Variants in CCDC169 observed in about 807,000 individuals in gnomAD.
CCDC169 encodes the protein coiled-coil domain-containing protein 169.
In CCDC169, 30 loss-of-function variants were observed where a neutral mutation model predicts 36.0. The ratio of observed to expected loss-of-function variants is 0.83; its 90% CI spans 0.62 to 1.13. CCDC169 has a LOEUF of 1.13. Ranked by LOEUF, CCDC169 falls within the 50% of genes most tolerant of loss-of-function variation. CCDC169 has a pLI of 0.00. For synonymous variants in CCDC169, 85 were observed against 81.5 expected (o/e 1.04, Z -0.23); for missense variants, 245 against 245.9 (o/e 1.00, Z 0.03).
At chr13:36,275,402 A>C (rs183133159) in intron 4 of CCDC169, among the ~76,000 whole-genome samples, 251 of 152,276 alleles carry the variant, frequency 1.6e-3, no homozygotes, top group African/African-American at 5.6e-3. Flanking sequence ...CTAGATTTGC[A>C]TATAAAATCT....
chr13:36,231,049 A>G lies in CCDC169; in HGVS notation c.*144T>C. 1 of 1,422,932 alleles carries G rather than the reference A, an allele frequency of 7.0e-7. No homozygotes were observed. Among genetic ancestry groups the G allele is most frequent in the South Asian group, 1.6e-5 (1 of 63,090 alleles). 88.1% of individuals were successfully genotyped at this position (1,422,932 alleles called of 1,614,324 possible). A position where few individuals can be genotyped will look rare whatever the true frequency, so the allele number is the denominator to read the frequency against. On this transcript the variant is annotated 3_prime_UTR_variant, in exon 8 of 8. Transcript: ENST00000239859. ...TACTTTTATGCAGACAAAGGAACACACGTCTGGAAAAGGAACTAAAGAAAA... is the reference window on the plus strand; with the variant it reads ...TACTTTTATGCAGACAAAGGAACACGCGTCTGGAAAAGGAACTAAAGAAAA...
At chr13:36,266,733 G>T (rs1000968805) in intron 4 of CCDC169, among the ~76,000 whole-genome samples, 1 of 152,094 alleles carries the variant, frequency 6.6e-6, no homozygotes, top group Non-Finnish European at 1.5e-5. Flanking sequence ...TTGCATCATG[G>T]CTTCTTCCAC....
At chr13:36,249,436 G>T (rs1410623) in intron 6 of CCDC169, among the ~76,000 whole-genome samples, 1 of 152,028 alleles carries the variant, frequency 6.6e-6, no homozygotes, top group African/African-American at 2.4e-5. Context: ...CAGATGCTTC[G>T]CCAAATTTGA....
intron 2 of CCDC169, among the ~76,000 whole-genome samples, chr13:36,286,108 A>G (rs1394077260): frequency 6.6e-6 from 1 of 152,154 alleles, no homozygotes; most frequent in Non-Finnish European, 1.5e-5. Flanking sequence ...TTTCTATCAG[A>G]TGGGGCATAG....
At chr13:36,272,056 G>T (rs1277116743) in intron 4 of CCDC169, among the ~76,000 whole-genome samples, 1 of 148,110 alleles carries the variant, frequency 6.8e-6, no homozygotes, top group African/African-American at 2.5e-5. Context: ...CTGCACTCGC[G>T]CCCGGGTGAC....
intron 7 of CCDC169, among the ~76,000 whole-genome samples, chr13:36,239,831 T>C (rs1871553583): frequency 8.2e-6 from 1 of 122,004 alleles, no homozygotes; most frequent in Non-Finnish European, 2.0e-5. Flanking sequence ...GGTTTTACTT[T>C]CCAGTTTCAG....
chr13:36,238,750 A>C (rs1871382675), intron 7 of CCDC169, among the ~76,000 whole-genome samples: 1 of 152,172 alleles, frequency 6.6e-6, no homozygotes, highest in South Asian at 2.1e-4. Context: ...CTAACTAATG[A>C]CACTAATGAT....
At chr13:36,289,581 C>T (rs190103530) in intron 2 of CCDC169, among the ~76,000 whole-genome samples, 210 of 152,332 alleles carry the variant, frequency 1.4e-3, no homozygotes, top group African/African-American at 4.7e-3. Flanking sequence ...TCTAAATAGG[C>T]TTCCTATAAG....
intron 4 of CCDC169, among the ~76,000 whole-genome samples, chr13:36,265,058 A>G (rs960845130): frequency 1.9e-4 from 29 of 152,240 alleles, no homozygotes; most frequent in African/African-American, 6.8e-4. Context: ...TCCAACTTTC[A>G]TAATGGATTT....
chr13:36,227,444 A>G (rs555419885), downstream of CCDC169: 37 of 1,394,736 alleles, frequency 2.7e-5, no homozygotes, highest in South Asian at 4.1e-4. Context: ...ATGCTAATAA[A>G]GCAGATATTC....
At chr13:36,227,489 CAT>C (rs1555247849), downstream of CCDC169, 48 of 1,114,114 alleles carry the variant, frequency 4.3e-5, no homozygotes, top group East Asian at 8.8e-5. Context: ...CACACACACA[CAT>C]ATACACAAAA....
intron 4 of CCDC169, among the ~76,000 whole-genome samples, chr13:36,271,859 C>A (rs556975051): frequency 1.3e-5 from 2 of 151,782 alleles, no homozygotes; most frequent in South Asian, 4.2e-4. Flanking sequence ...CCAAAGCGGG[C>A]GGATCACGAG....
At chr13:36,254,630 A>G (rs1873609528) in intron 4 of CCDC169, among the ~76,000 whole-genome samples, 1 of 152,130 alleles carries the variant, frequency 6.6e-6, no homozygotes, top group African/African-American at 2.4e-5. Context: ...GAACCCTAAC[A>G]ATATGTCATG....
chr13:36,285,614 G>GATAGATAGATAC (rs568184993), intron 2 of CCDC169, among the ~76,000 whole-genome samples: 1,604 of 138,078 alleles, frequency 0.012, 14 homozygotes, highest in South Asian at 0.028. Flanking sequence ...TAGATAGATA[G>GATAGATAGATAC]ATAGATACAT....
chr13:36,285,135 C>T (rs1301734492), intron 2 of CCDC169, among the ~76,000 whole-genome samples: 1 of 152,018 alleles, frequency 6.6e-6, no homozygotes, highest in Admixed American at 6.6e-5. Flanking sequence ...AGAATGGTTA[C>T]CAAAAAATTA....
chr13:36,225,740 G>A (rs1425980506), downstream of CCDC169: 1 of 151,698 alleles, frequency 6.6e-6, no homozygotes, highest in Non-Finnish European at 1.5e-5. Context: ...AAACAACTCA[G>A]CAAGCAAAAA....
At chr13:36,248,239 G>A (rs1872728157) in intron 7 of CCDC169, among the ~76,000 whole-genome samples, 1 of 152,062 alleles carries the variant, frequency 6.6e-6, no homozygotes, top group South Asian at 2.1e-4. Flanking sequence ...TCACTTCATC[G>A]TGATACTTGC....
At chr13:36,291,909 G>A (rs1261925481) in intron 2 of CCDC169, among the ~76,000 whole-genome samples, 1 of 151,910 alleles carries the variant, frequency 6.6e-6, no homozygotes, top group Non-Finnish European at 1.5e-5. Context: ...AAGGTATTTG[G>A]GCATAGAAAC....
downstream of CCDC169, chr13:36,227,172 G>A: frequency 7.3e-7 from 1 of 1,360,896 alleles, no homozygotes. Flanking sequence ...CAATCCTGGG[G>A]GTGGTGCACA....
Sources: allele counts gnomAD v4.1 joint callset (sites outside exome capture counted in the v4.1 genomes callset), GRCh38; gene constraint gnomAD v4.1.1; transcripts MANE v1.5; gene names NCBI Gene and HGNC (gene_info 2026-07-23, HGNC 2026-07-21).